Variants in SNCAIP observed in about 807,000 individuals in gnomAD.
The protein encoded by SNCAIP is synphilin-1.
A neutral mutation model predicts 86.7 loss-of-function variants in SNCAIP; 43 were observed. That is an observed-to-expected ratio of 0.50 (90% CI 0.39 to 0.64). SNCAIP has a LOEUF of 0.64. Among genes scored for constraint, SNCAIP ranks in the 30% least tolerant of loss-of-function variants. The pLI is 0.00. For synonymous variants in SNCAIP, 417 were observed against 427.2 expected, an observed-to-expected ratio of 0.98 and a Z score of 0.29; for missense variants, 981 against 1,103.1, an observed-to-expected ratio of 0.89 and a Z score of 1.57.
intron 1 of SNCAIP, among the ~76,000 whole-genome samples, chr5:122,317,995 TA>T (rs1752136088): frequency 6.6e-6 from 1 of 151,934 alleles, no homozygotes; most frequent in Admixed American, 6.6e-5. Flanking sequence ...TTCTAAAGAA[TA>T]GATAAAATTG....
intron 1 of SNCAIP, among the ~76,000 whole-genome samples, chr5:122,326,605 CCTTTTTTTTTTTTTT>C (rs1754115176): frequency 9.8e-6 from 1 of 102,436 alleles, no homozygotes; most frequent in East Asian, 2.6e-4. Context: ...AGAAATGTCT[CCTTTTTTTTTTTTTT>C]TTTTTTTTTT....
At chr5:122,460,427 G>A (rs72789046) in intron 10 of SNCAIP, among the ~76,000 whole-genome samples, 136 of 152,232 alleles carry the variant, frequency 8.9e-4, no homozygotes, top group Admixed American at 2.7e-3. Flanking sequence ...TCCTAAATCC[G>A]TATTTTTAAC....
At chr5:122,311,415 CA>C (rs1436188175), upstream of SNCAIP, 1 of 152,438 alleles carries the variant, frequency 6.6e-6, no homozygotes, top group Non-Finnish European at 1.5e-5. Context: ...GCCACGTCCT[CA>C]GGGGTGGGCG....
rs569319016 is a variant in SNCAIP at position 122,427,137 on chromosome 5, G to A, written c.1182+1606G>A. ...ACAGTTCTCATTAGTCTTCCTAATG[G>A]TAGATTATTTATATAGGTAGAAGAA... On this transcript the variant is annotated intron_variant, in intron 5 of 10. Transcript: ENST00000261368. Among the ~76,000 whole-genome samples, 244 of 152,262 alleles carry A rather than the reference G, an allele frequency of 1.6e-3. 1 individual carries two copies. Among genetic ancestry groups the A allele is most frequent in the African/African-American group, 5.7e-3 (236 of 41,566 alleles).
chr5:122,435,626 ATT>A (rs10570972), intron 6 of SNCAIP, among the ~76,000 whole-genome samples: 39,796 of 151,846 alleles, frequency 0.26, 5,393 homozygotes, highest in African/African-American at 0.3. Flanking sequence ...TGTTTTTATT[ATT>A]TTCTGTAGTT....
In SNCAIP at chr5:122,425,341, T is replaced by C; in HGVS notation, c.1003-11T>C. 2 of 1,609,798 alleles carry C rather than the reference T, an allele frequency of 1.2e-6. No individual in the cohort carries two copies. The highest frequency in any genetic ancestry group is 1.7e-6 in the Non-Finnish European group (2 of 1,175,992). ...ATTGACTTGGGTTTTCTAATCTTAC[T>C]ATTTATACAGCCACACCTAGCTGCA... On this transcript the variant is annotated splice_polypyrimidine_tract_variant and intron_variant, in intron 4 of 10. Coordinates refer to ENST00000261368, the MANE Select transcript of SNCAIP (RefSeq NM_005460.4).
chr5:122,373,348 C>T (rs1056081080), intron 1 of SNCAIP, among the ~76,000 whole-genome samples: 1 of 152,108 alleles, frequency 6.6e-6, no homozygotes, highest in Non-Finnish European at 1.5e-5. Flanking sequence ...AATTCTGTTA[C>T]AGACTTTGAA....
At chr5:122,352,962 A>G (rs1760178638) in intron 1 of SNCAIP, among the ~76,000 whole-genome samples, 1 of 152,200 alleles carries the variant, frequency 6.6e-6, no homozygotes, top group South Asian at 2.1e-4. Flanking sequence ...GTGGATACAG[A>G]ACCCTTCTAC....
At chr5:122,355,469 A>G (rs1276233332) in intron 1 of SNCAIP, among the ~76,000 whole-genome samples, 1 of 152,242 alleles carries the variant, frequency 6.6e-6, no homozygotes, top group Non-Finnish European at 1.5e-5. Flanking sequence ...GGTGTGAGGC[A>G]AAAATTGTGT....
At chr5:122,387,930 A>G (rs1434953408) in intron 1 of SNCAIP, among the ~76,000 whole-genome samples, 4 of 152,258 alleles carry the variant, frequency 2.6e-5, no homozygotes, top group Non-Finnish European at 2.9e-5. Flanking sequence ...TAAATCTTAG[A>G]ATACAAATGA....
At chr5:122,340,519 C>CTGTTTCAGTACTAT (rs1174645034) in intron 1 of SNCAIP, among the ~76,000 whole-genome samples, 1 of 152,150 alleles carries the variant, frequency 6.6e-6, no homozygotes, top group Non-Finnish European at 1.5e-5. Context: ...GCTTCAGTAC[C>CTGTTTCAGTACTAT]TGTTTCATTA....
rs1005594594 is a variant in SNCAIP at position 122,398,868 on chromosome 5, A to C, written c.58-4925A>C. Among the ~76,000 whole-genome samples the C allele has an allele frequency of 4.6e-5, 7 of 152,250 alleles. No homozygotes were observed. In the East Asian group the frequency reaches 1.2e-3, roughly 25 times the overall value. ...CCGTAGCCCAACGTAGAAATCACGC[A>C]CTGTCATTATGAATCTCATGCATGT... On this transcript the variant is annotated intron_variant, in intron 2 of 10. Transcript: ENST00000261368.
chr5:122,439,888 G>C (rs1472047521), intron 6 of SNCAIP, among the ~76,000 whole-genome samples: 1 of 152,088 alleles, frequency 6.6e-6, no homozygotes, highest in Non-Finnish European at 1.5e-5. Flanking sequence ...ACACTCAGTG[G>C]GTAAAATGCA....
At chr5:122,431,822 G>C in intron 5 of SNCAIP, 147 bp from the exon 6 acceptor site, 1 of 668,724 alleles carries the variant, frequency 1.5e-6, no homozygotes, top group Non-Finnish European at 2.7e-6. Flanking sequence ...TATAATAGGT[G>C]ATATCTTTAT....
chr5:122,392,335 T>C (rs550112702), intron 2 of SNCAIP, among the ~76,000 whole-genome samples: 1 of 152,240 alleles, frequency 6.6e-6, no homozygotes, highest in South Asian at 2.1e-4. Flanking sequence ...TTAAAACCAA[T>C]GTGGAGTGAG....
intron 1 of SNCAIP, among the ~76,000 whole-genome samples, chr5:122,363,167 C>T (rs1580699664): frequency 6.6e-6 from 1 of 151,764 alleles, no homozygotes. Context: ...TGGCTAATGT[C>T]GTATTTTTGG....
At chr5:122,445,078 T>C (rs1299813594) in intron 8 of SNCAIP, among the ~76,000 whole-genome samples, 3 of 152,180 alleles carry the variant, frequency 2.0e-5, no homozygotes, top group Non-Finnish European at 4.4e-5. Context: ...CAAACTTTTG[T>C]CCTTAATATT....
At chr5:122,404,806 T>G (rs7721391) in intron 3 of SNCAIP, among the ~76,000 whole-genome samples, 5,796 of 152,270 alleles carry the variant, frequency 0.038, 358 homozygotes, top group African/African-American at 0.13. Flanking sequence ...TTACTTTTCC[T>G]CTGGACTGTT....
At chr5:122,445,030 G>T in intron 8 of SNCAIP, 1 of 431,900 alleles carries the variant, frequency 2.3e-6, no homozygotes, top group Non-Finnish European at 4.3e-6. Flanking sequence ...CTCAGGGCCA[G>T]ATTACAGAGC....
Sources: allele counts gnomAD v4.1 joint callset (sites outside exome capture counted in the v4.1 genomes callset), GRCh38; gene constraint gnomAD v4.1.1; transcripts MANE v1.5; gene names NCBI Gene and HGNC (gene_info 2026-07-23, HGNC 2026-07-21).